Variants in TBCK observed in about 807,000 individuals in gnomAD.
The protein encoded by TBCK is TBC1 domain containing kinase.
A neutral mutation model predicts 113.4 loss-of-function variants in TBCK; 99 were observed. The observed-to-expected ratio is 0.87, with a 90% CI of 0.74 to 1.03. TBCK has a LOEUF of 1.03. TBCK is among the 50% of genes least tolerant of loss of function. TBCK has a pLI of 0.00. For synonymous variants in TBCK, 369 were observed against 370.8 expected (o/e 1.00, Z 0.05); for missense variants, 1,045 against 1,061.3 (o/e 0.98, Z 0.21).
intron 25 of TBCK, among the ~76,000 whole-genome samples, chr4:106,052,150 A>G (rs1734882007): frequency 6.6e-6 from 1 of 151,802 alleles, no homozygotes; most frequent in Admixed American, 6.6e-5. Flanking sequence ...TTTCATAGTA[A>G]TAATATCTAG....
intron 24 of TBCK, among the ~76,000 whole-genome samples, chr4:106,108,344 T>C (rs1391920255): frequency 6.7e-6 from 1 of 149,728 alleles, no homozygotes; most frequent in African/African-American, 2.6e-5. Context: ...TGAATGTCGA[T>C]GCAAAAATCC....
In TBCK at chr4:106,133,186, G is replaced by A. The variant is rs565832506; in HGVS notation, c.2236-16808C>T. Among the ~76,000 whole-genome samples the A allele has an allele frequency of 7.2e-5, 11 of 152,286 alleles. No individual in the cohort carries two copies. In the South Asian group the frequency reaches 2.3e-3, roughly 32 times the overall value. On this transcript the variant is annotated intron_variant, in intron 23 of 25. Transcript: ENST00000394708. ...CACCTTGAACTGTAATAATCCCCAA[G>A]TGTGAAGGGTGGGGTCAGGTGGAAA...
intron 25 of TBCK, among the ~76,000 whole-genome samples, chr4:106,086,913 G>A (rs1325018288): frequency 6.6e-6 from 1 of 152,004 alleles, no homozygotes; most frequent in East Asian, 1.9e-4. Context: ...CAATAAACTC[G>A]GTATTGATGG....
chr4:106,265,367 C>G (rs1762898523), intron 3 of TBCK, among the ~76,000 whole-genome samples: 1 of 151,794 alleles, frequency 6.6e-6, no homozygotes, highest in Admixed American at 6.6e-5. Flanking sequence ...AGTATTTATC[C>G]TTTGTGTTAT....
At chr4:106,297,523 T>C (rs1766436838) in intron 2 of TBCK, among the ~76,000 whole-genome samples, 1 of 152,202 alleles carries the variant, frequency 6.6e-6, no homozygotes. Flanking sequence ...ACAACAATCT[T>C]TTAACTGATC....
chr4:106,307,443 T>C (rs1767654986), intron 2 of TBCK, among the ~76,000 whole-genome samples: 1 of 152,142 alleles, frequency 6.6e-6, no homozygotes, highest in Non-Finnish European at 1.5e-5. Context: ...AAAAAAAATT[T>C]CTACTCAGTC....
intron 2 of TBCK, among the ~76,000 whole-genome samples, chr4:106,306,479 T>C (rs1579583071): frequency 6.6e-6 from 1 of 152,102 alleles, no homozygotes; most frequent in Admixed American, 6.6e-5. Flanking sequence ...CAACTATTAC[T>C]GTATTATTTA....
intron 24 of TBCK, among the ~76,000 whole-genome samples, chr4:106,103,763 A>C (rs1286256104): frequency 1.3e-5 from 2 of 152,216 alleles, no homozygotes; most frequent in African/African-American, 2.4e-5. Context: ...GGAGAAAAAC[A>C]GAAGGGGGCA....
At chr4:106,308,602 G>A (rs549528272) in intron 2 of TBCK, among the ~76,000 whole-genome samples, 166 bp downstream of exon 2, 2 of 152,266 alleles carry the variant, frequency 1.3e-5, no homozygotes, top group African/African-American at 4.8e-5. Context: ...GCAAGTAAAT[G>A]GGGAAGTGTA....
intron 12 of TBCK, among the ~76,000 whole-genome samples, chr4:106,241,170 C>T (rs540594521): frequency 6.6e-6 from 1 of 151,582 alleles, no homozygotes; most frequent in Admixed American, 6.6e-5. Context: ...ATTCTATATA[C>T]AAGAGCAATA....
rs11938792 is a variant in TBCK, at chr4:106,236,991, C to T, written c.1171-183G>A. Among the ~76,000 whole-genome samples, 343 of 151,898 alleles carry T rather than the reference C, an allele frequency of 2.3e-3. 2 individuals are homozygous for T. Among genetic ancestry groups the T allele is most frequent in the African/African-American group, 8.0e-3 (332 of 41,466 alleles). ...AAGCATACAATGCCTCTACTGATTACGGTTTGGCTGTGAAAAACAACTATT... is the reference window on the plus strand; with the variant it reads ...AAGCATACAATGCCTCTACTGATTATGGTTTGGCTGTGAAAAACAACTATT... On this transcript the variant is annotated intron_variant, in intron 12 of 25. Coordinates refer to ENST00000394708, the MANE Select transcript of TBCK (RefSeq NM_001163435.3).
chr4:106,245,940 T>C (rs887422798), intron 10 of TBCK, among the ~76,000 whole-genome samples: 11 of 152,030 alleles, frequency 7.2e-5, no homozygotes, highest in African/African-American at 2.4e-4. Context: ...CAAGGGAAAC[T>C]AGAAAAAAAC....
chr4:106,315,135 G>A (rs76646977), intron 1 of TBCK, among the ~76,000 whole-genome samples: 1 of 151,820 alleles, frequency 6.6e-6, no homozygotes, highest in Non-Finnish European at 1.5e-5. Flanking sequence ...AAAACTACCG[G>A]GGGAAAAAAA....
At chr4:106,130,589 TACAC>T (rs70941237) in intron 23 of TBCK, among the ~76,000 whole-genome samples, 11,377 of 142,444 alleles carry the variant, frequency 0.08, 477 homozygotes, top group Middle Eastern at 0.12. Flanking sequence ...TTGCGCTAAA[TACAC>T]ACACACACAC....
At chr4:106,139,976 T>A (rs1746996833) in intron 23 of TBCK, among the ~76,000 whole-genome samples, 1 of 140,878 alleles carries the variant, frequency 7.1e-6, no homozygotes, top group African/African-American at 2.5e-5. Context: ...ATAATAGCAG[T>A]TATAATGAAT....
At chr4:106,207,304 A>G (rs544660401) in intron 20 of TBCK, among the ~76,000 whole-genome samples, 2 of 152,184 alleles carry the variant, frequency 1.3e-5, no homozygotes, top group Non-Finnish European at 2.9e-5. Context: ...AGAAATCACA[A>G]TCTCTACTGC....
chr4:106,160,702 G>T (rs1297561030), intron 23 of TBCK, among the ~76,000 whole-genome samples: 4 of 152,034 alleles, frequency 2.6e-5, no homozygotes, highest in Non-Finnish European at 5.9e-5. Context: ...GTAGAAAACA[G>T]TATGGCAGTT....
chr4:106,181,766 T>C (rs892123075), intron 22 of TBCK, among the ~76,000 whole-genome samples: 2 of 152,312 alleles, frequency 1.3e-5, no homozygotes, highest in East Asian at 1.9e-4. Context: ...TTTTGGTTAC[T>C]ATAGCCTTGT....
intron 3 of TBCK, among the ~76,000 whole-genome samples, chr4:106,276,052 C>T (rs1394347969): frequency 6.6e-6 from 1 of 152,090 alleles, no homozygotes; most frequent in Admixed American, 6.5e-5. Flanking sequence ...TGTTATGATG[C>T]TGGCATAGGA....
Sources: gnomAD v4.1 joint callset for allele counts (sites outside exome capture counted in the v4.1 genomes callset) on GRCh38, gnomAD v4.1.1 for gene constraint, MANE v1.5 for transcripts, NCBI Gene and HGNC (gene_info 2026-07-23, HGNC 2026-07-21) for gene names.